The following CREB5 variants were observed in gnomAD, a reference collection of about 807,000 sequenced individuals.
CREB5 encodes the protein cyclic AMP-responsive element-binding protein 5.
Under a neutral mutation model 57.1 loss-of-function variants are expected in CREB5, and 19 were observed. The ratio of observed to expected loss-of-function variants is 0.33; its 90% CI spans 0.23 to 0.49. The LOEUF (loss-of-function observed/expected upper bound fraction) is 0.49, where lower values mean the gene tolerates loss of function less well. Ranked by LOEUF, CREB5 falls within the 20% of genes least tolerant of loss-of-function variation. The pLI is 0.99. For missense variants in CREB5, 579 were observed against 671.6 expected (o/e 0.86, Z 1.52); for synonymous variants, 238 against 238.3 (o/e 1.00, Z 0.01).
intron 1 of CREB5, among the ~76,000 whole-genome samples, chr7:28,347,968 C>A (rs961521640): frequency 3.9e-5 from 6 of 152,272 alleles, no homozygotes; most frequent in African/African-American, 1.4e-4. Flanking sequence ...AACAAGCCAC[C>A]TGGTTTGAAA....
chr7:28,333,662 C>A (rs987845182), intron 1 of CREB5, among the ~76,000 whole-genome samples: 1 of 152,112 alleles, frequency 6.6e-6, no homozygotes, highest in Non-Finnish European at 1.5e-5. Flanking sequence ...TCTTCTGTGC[C>A]TGGCTTATTT....
At chr7:28,739,419 T>A (rs1266593841) in intron 7 of CREB5, among the ~76,000 whole-genome samples, 1 of 151,870 alleles carries the variant, frequency 6.6e-6, no homozygotes, top group Non-Finnish European at 1.5e-5. Flanking sequence ...ATACAAAGAG[T>A]GAGCTGAAAC....
At chr7:28,756,313 G>A (rs928142195) in intron 7 of CREB5, among the ~76,000 whole-genome samples, 3 of 152,108 alleles carry the variant, frequency 2.0e-5, no homozygotes, top group African/African-American at 7.2e-5. Context: ...AGCACTTTGG[G>A]AGGCCGAGGC....
At chr7:28,348,408 T>TCTCTCTCACACACACA (rs1376338798) in intron 1 of CREB5, among the ~76,000 whole-genome samples, 3 of 118,112 alleles carry the variant, frequency 2.5e-5, no homozygotes, top group African/African-American at 9.5e-5. Flanking sequence ...TCTCTCTCTC[T>TCTCTCTCACACACACA]CACACACACA....
chr7:28,707,227 A>G (rs1802156698), intron 5 of CREB5, among the ~76,000 whole-genome samples: 1 of 152,238 alleles, frequency 6.6e-6, no homozygotes, highest in African/African-American at 2.4e-5. Flanking sequence ...GTGTTTTAAA[A>G]TGACAGTTGT....
rs552186034 is a variant in CREB5 at position 28,538,672 on chromosome 7, A to G, written c.291+30935A>G. On this transcript the variant is annotated intron_variant, in intron 4 of 10. Transcript: ENST00000357727. ...TTGCCCTTCTTTTTGTAACTTCTTA[A>G]GATGGATACTTCGATCATTGATTTT... 2.4e-4 allele frequency among the ~76,000 whole-genome samples: 36 copies of G among 152,200 alleles called. No individual in the cohort carries two copies. The South Asian group carries it at 7.3e-3, about 31-fold the overall frequency.
At chr7:28,543,331 T>C (rs1034302312) in intron 4 of CREB5, among the ~76,000 whole-genome samples, 2 of 152,222 alleles carry the variant, frequency 1.3e-5, no homozygotes, top group African/African-American at 4.8e-5. Context: ...AAAAAATGTA[T>C]TCATATACTA....
intron 5 of CREB5, among the ~76,000 whole-genome samples, chr7:28,667,262 G>A (rs1799862835): frequency 1.3e-5 from 2 of 151,066 alleles, no homozygotes; most frequent in African/African-American, 4.9e-5. Flanking sequence ...TTATTGGCAT[G>A]AGTGTGTTCT....
intron 1 of CREB5, among the ~76,000 whole-genome samples, chr7:28,336,897 G>A (rs1013994307): frequency 8.6e-5 from 13 of 151,540 alleles, no homozygotes; most frequent in Non-Finnish European, 1.8e-4. Context: ...TTGTGTTTCC[G>A]TCATCATTTG....
intron 7 of CREB5, among the ~76,000 whole-genome samples, chr7:28,784,940 T>C (rs1807225822): frequency 6.6e-6 from 1 of 152,190 alleles, no homozygotes; most frequent in Non-Finnish European, 1.5e-5. Flanking sequence ...CTCTCCACCC[T>C]CTTTTCTGTG....
In CREB5 at chr7:28,551,847, C is replaced by CTT. The variant is rs1411971863; in HGVS notation, c.292-18516_292-18515dup. On this transcript the variant is annotated intron_variant, in intron 4 of 10. Coordinates refer to ENST00000357727, the MANE Select transcript of CREB5 (RefSeq NM_182898.4). ...TTTCTTTCTTTCTTTCTTTCTTTTTCTTTCTTTCTTTTCTTTCTTTCTTTT... is the reference window on the plus strand; with the variant it reads ...TTTCTTTCTTTCTTTCTTTCTTTTTCTTTTTCTTTCTTTTCTTTCTTTCTTTT... Among the ~76,000 whole-genome samples, 959 of 108,084 alleles carry CTT rather than the reference C, an allele frequency of 8.9e-3. 13 individuals are homozygous for CTT. The highest frequency in any genetic ancestry group is 0.031 in the African/African-American group (921 of 30,128). The allele number at this position is 108,084 out of a possible 152,430, so 70.9% of individuals were successfully genotyped here.
intron 4 of CREB5, among the ~76,000 whole-genome samples, 195 bp downstream of exon 4, chr7:28,507,932 T>G (rs1307071959): frequency 6.6e-6 from 1 of 152,250 alleles, no homozygotes; most frequent in Non-Finnish European, 1.5e-5. Context: ...ATCAAAAATT[T>G]AGTCAAACTT....
intron 1 of CREB5, among the ~76,000 whole-genome samples, chr7:28,322,766 T>C (rs1490669761): frequency 6.6e-6 from 1 of 152,200 alleles, no homozygotes; most frequent in Non-Finnish European, 1.5e-5. Flanking sequence ...TCCATGTCCC[T>C]GCAAAGACAT....
intron 7 of CREB5, among the ~76,000 whole-genome samples, chr7:28,770,779 G>A (rs1338045783): frequency 1.3e-5 from 2 of 152,270 alleles, no homozygotes; most frequent in East Asian, 1.9e-4. Flanking sequence ...GGTTACCAGG[G>A]GCAGGGGGAT....
chr7:28,320,681 C>T (rs956460381), intron 1 of CREB5, among the ~76,000 whole-genome samples: 9 of 152,192 alleles, frequency 5.9e-5, no homozygotes, highest in Non-Finnish European at 8.8e-5. Context: ...GGCTTGCCGA[C>T]ACTTGTCTGT....
intron 1 of CREB5, among the ~76,000 whole-genome samples, chr7:28,382,239 G>A (rs76784423): frequency 0.017 from 2,638 of 152,206 alleles, 56 homozygotes; most frequent in East Asian, 0.089. Context: ...GATGGTGCCT[G>A]CCCACGTTGA....
At chr7:28,510,264 T>A (rs1413285599) in intron 4 of CREB5, among the ~76,000 whole-genome samples, 1 of 152,250 alleles carries the variant, frequency 6.6e-6, no homozygotes, top group Non-Finnish European at 1.5e-5. Context: ...TCAGTGCCTA[T>A]CTTATCATTT....
At chr7:28,522,987 T>A (rs926290615) in intron 4 of CREB5, among the ~76,000 whole-genome samples, 10 of 152,176 alleles carry the variant, frequency 6.6e-5, no homozygotes, top group African/African-American at 1.9e-4. Flanking sequence ...CTGTGAGGTG[T>A]TTTGTTCTGT....
intron 5 of CREB5, among the ~76,000 whole-genome samples, chr7:28,658,368 A>G (rs528366181): frequency 6.6e-6 from 1 of 152,334 alleles, no homozygotes; most frequent in East Asian, 1.9e-4. Flanking sequence ...ACCTCTGCCC[A>G]TGAACTGATT....
Sources: gnomAD v4.1 joint callset for allele counts (sites outside exome capture counted in the v4.1 genomes callset) on GRCh38, gnomAD v4.1.1 for gene constraint, MANE v1.5 for transcripts, NCBI Gene and HGNC (gene_info 2026-07-23, HGNC 2026-07-21) for gene names.